Variants in RFC3 observed in about 807,000 individuals in gnomAD.
RFC3 encodes replication factor C subunit 3, also known as A1 38 kDa subunit.
A neutral mutation model predicts 45.1 loss-of-function variants in RFC3; 41 were observed. That is an observed-to-expected ratio of 0.91 (90% confidence interval 0.71 to 1.18). The LOEUF is 1.18. Among genes scored for constraint, RFC3 ranks in the 50% most tolerant of loss-of-function variants. The pLI, the probability that RFC3 is intolerant of heterozygous loss-of-function variation, is 0.00. For synonymous variants in RFC3, 149 were observed against 144.0 expected (o/e 1.03, Z -0.25); for missense variants, 423 against 428.1 (o/e 0.99, Z 0.10).
intron 1 of RFC3, among the ~76,000 whole-genome samples, chr13:33,820,287 T>G (rs1173408042): frequency 6.6e-6 from 1 of 152,252 alleles, no homozygotes; most frequent in African/African-American, 2.4e-5. Context: ...GACTTCTAAC[T>G]TTGTACATCT....
At chr13:33,851,963 A>G (rs909712545) in intron 8 of RFC3, among the ~76,000 whole-genome samples, 3 of 152,222 alleles carry the variant, frequency 2.0e-5, no homozygotes, top group Non-Finnish European at 2.9e-5. Context: ...ATTTTATAAA[A>G]AATGAATTGA....
chr13:33,948,634 G>T (rs994876770), intron 8 of RFC3, among the ~76,000 whole-genome samples: 4 of 152,198 alleles, frequency 2.6e-5, no homozygotes, highest in African/African-American at 9.6e-5. Context: ...CAGGAGAGGG[G>T]CTGTACCCTG....
At chr13:33,907,929 T>A (rs2082680939) in intron 8 of RFC3, among the ~76,000 whole-genome samples, 1 of 152,010 alleles carries the variant, frequency 6.6e-6, no homozygotes. Flanking sequence ...CATTATATTT[T>A]AAAAAATTCT....
chr13:33,903,355 C>T (rs1184115737), intron 8 of RFC3, among the ~76,000 whole-genome samples: 5 of 151,990 alleles, frequency 3.3e-5, no homozygotes, highest in African/African-American at 1.2e-4. Context: ...GTATTTCCAC[C>T]ATACAGAAAC....
intron 8 of RFC3, 31 bp from the exon 9 acceptor site, chr13:33,836,070 AATG>A: frequency 6.3e-7 from 1 of 1,577,056 alleles, no homozygotes; most frequent in Non-Finnish European, 8.7e-7. Context: ...TGTTTTTATT[AATG>A]ATTTTTAAAT....
chr13:33,963,987 A>G (rs1382331225), intron 8 of RFC3, among the ~76,000 whole-genome samples: 1 of 152,212 alleles, frequency 6.6e-6, no homozygotes, highest in East Asian at 1.9e-4. Context: ...TCCGCCTTCA[A>G]GCTGGTCTTG....
At chr13:33,943,312 G>A (rs1378027592) in intron 8 of RFC3, among the ~76,000 whole-genome samples, 2 of 152,062 alleles carry the variant, frequency 1.3e-5, no homozygotes, top group Non-Finnish European at 2.9e-5. Flanking sequence ...CTAGCCTACA[G>A]GAAATAGAAG....
chr13:33,949,474 A>T (rs1228356295), intron 8 of RFC3, among the ~76,000 whole-genome samples: 1 of 152,210 alleles, frequency 6.6e-6, no homozygotes, highest in African/African-American at 2.4e-5. Context: ...ACCGTACTCA[A>T]TTCTGAATAA....
At chr13:33,972,704 G>A in the RFC3 span, among the ~76,000 whole-genome samples, 1 of 152,256 alleles carries the variant, frequency 6.6e-6, no homozygotes, top group Non-Finnish European at 1.5e-5. Flanking sequence ...GCTCTACTTA[G>A]TACCACATTA....
chr13:33,821,629 A>T (rs769781059), intron 2 of RFC3, among the ~76,000 whole-genome samples: 12 of 152,172 alleles, frequency 7.9e-5, no homozygotes, highest in Non-Finnish European at 1.5e-4. Flanking sequence ...GATTTTGAGA[A>T]AAATGTTAAA....
chr13:33,827,411 A>G (rs1166406622), intron 4 of RFC3, among the ~76,000 whole-genome samples: 2 of 152,230 alleles, frequency 1.3e-5, no homozygotes, highest in Non-Finnish European at 2.9e-5. Flanking sequence ...ACTATACAAA[A>G]TAATGATATG....
At chr13:33,935,853 A>G (rs752992917) in intron 8 of RFC3, among the ~76,000 whole-genome samples, 2 of 152,316 alleles carry the variant, frequency 1.3e-5, no homozygotes, top group South Asian at 4.1e-4. Context: ...ACTTAAATCT[A>G]TGGCTGAATC....
chr13:33,934,925 TC>T lies in RFC3; in HGVS notation c.880-31156del, dbSNP rs1382095970. ...GGAACCATCAGCCTGGATGGCCGAA[TC>T]CCCCCATTCCTGATGGTCTGCTCAC... On this transcript the variant is annotated intron_variant, in intron 8 of 8. Coordinates refer to the RFC3 transcript ENST00000434425. 9.2e-5 allele frequency among the ~76,000 whole-genome samples: 14 copies of T among 152,182 alleles called. No individual in the cohort carries two copies. The Middle Eastern group carries it at 0.014, about 148-fold the overall frequency.
At chr13:33,887,084 G>A (rs1481091721) in intron 8 of RFC3, among the ~76,000 whole-genome samples, 10 of 145,468 alleles carry the variant, frequency 6.9e-5, no homozygotes, top group African/African-American at 1.1e-4. Flanking sequence ...GAATAGTGCC[G>A]CAATAAACAT....
chr13:33,899,368 G>A (rs1038874098), intron 8 of RFC3, among the ~76,000 whole-genome samples: 1 of 151,732 alleles, frequency 6.6e-6, no homozygotes, highest in African/African-American at 2.4e-5. Context: ...GGAATGCAAG[G>A]ATGGTTCAAC....
chr13:33,955,259 A>G (rs2083014869), intron 8 of RFC3, among the ~76,000 whole-genome samples: 1 of 152,214 alleles, frequency 6.6e-6, no homozygotes, highest in African/African-American at 2.4e-5. Context: ...CAAACTAACC[A>G]AGTTTAAGGA....
chr13:33,915,005 T>C (rs1368978083), intron 8 of RFC3, among the ~76,000 whole-genome samples: 1 of 152,144 alleles, frequency 6.6e-6, no homozygotes, highest in Non-Finnish European at 1.5e-5. Context: ...CACAAAGAAT[T>C]GTTCTGTATG....
chr13:33,847,522 G>T (rs1329603654), intron 8 of RFC3: 1 of 151,498 alleles, frequency 6.6e-6, no homozygotes, highest in Non-Finnish European at 1.5e-5. Flanking sequence ...CTGTAAGATT[G>T]TCAGCCATAC....
intron 8 of RFC3, among the ~76,000 whole-genome samples, chr13:33,932,803 A>G (rs994619336): frequency 6.6e-6 from 1 of 152,180 alleles, no homozygotes; most frequent in African/African-American, 2.4e-5. Flanking sequence ...ATTGCCATAT[A>G]AGTTTTAAAC....
Sources: gnomAD v4.1 joint callset for allele counts (sites outside exome capture counted in the v4.1 genomes callset) on GRCh38, gnomAD v4.1.1 for gene constraint, MANE v1.5 for transcripts, NCBI Gene and HGNC (gene_info 2026-07-23, HGNC 2026-07-21) for gene names.